The following RELN variants were observed in gnomAD, a reference collection of about 807,000 sequenced individuals.
The protein encoded by RELN is reelin.
Under a neutral mutation model 427.6 loss-of-function variants are expected in RELN, and 108 were observed. The observed-to-expected ratio is 0.25, with a 90% CI of 0.22 to 0.30. RELN has a LOEUF of 0.30. Among genes scored for constraint, RELN ranks in the 10% least tolerant of loss-of-function variants. The probability of loss-of-function intolerance (pLI) is 1.00; values close to 1 mark genes in which losing one functional copy is unlikely to be tolerated. For missense variants in RELN, 3,715 were observed against 4,302.8 expected, an observed-to-expected ratio of 0.86 and a Z score of 3.82; for synonymous variants, 1,524 against 1,513.4, an observed-to-expected ratio of 1.01 and a Z score of -0.16.
intron 3 of RELN, among the ~76,000 whole-genome samples, chr7:103,793,470 T>C (rs762609766): frequency 1.3e-5 from 2 of 152,214 alleles, no homozygotes; most frequent in Non-Finnish European, 2.9e-5. Flanking sequence ...TAAGTCTACA[T>C]AGAACCATAA....
intron 21 of RELN, among the ~76,000 whole-genome samples, 191 bp from the exon 22 acceptor site, chr7:103,610,998 T>C (rs890194643): frequency 3.9e-5 from 6 of 152,232 alleles, no homozygotes; most frequent in African/African-American, 1.4e-4. Context: ...CTTAAAATTA[T>C]GTAAGAAATA....
intron 2 of RELN, among the ~76,000 whole-genome samples, chr7:103,902,502 T>C (rs1795105654): frequency 1.3e-5 from 2 of 152,052 alleles, no homozygotes; most frequent in Non-Finnish European, 1.5e-5. Flanking sequence ...AACAACAACA[T>C]GGTTCTGATG....
chr7:103,746,114 A>G (rs1426073597), intron 6 of RELN, among the ~76,000 whole-genome samples: 4 of 152,140 alleles, frequency 2.6e-5, no homozygotes, highest in Non-Finnish European at 5.9e-5. Flanking sequence ...ATAATGCTGC[A>G]TATCTACAAC....
intron 17 of RELN, among the ~76,000 whole-genome samples, chr7:103,637,410 G>A (rs1449295335): frequency 6.6e-6 from 1 of 152,092 alleles, no homozygotes; most frequent in Non-Finnish European, 1.5e-5. Flanking sequence ...TGATACTATG[G>A]CATGACTCAG....
chr7:103,950,959 C>A (rs1193196671), intron 1 of RELN, among the ~76,000 whole-genome samples: 1 of 152,138 alleles, frequency 6.6e-6, no homozygotes, highest in African/African-American at 2.4e-5. Context: ...GACAGAGTCT[C>A]GCTCTGTCGC....
intron 42 of RELN, 65 bp from the exon 43 acceptor site, chr7:103,542,943 A>C: frequency 6.6e-7 from 1 of 1,511,198 alleles, no homozygotes; most frequent in South Asian, 1.1e-5. Flanking sequence ...TTATATTTTT[A>C]AAAGGAGTAT....
chr7:103,893,516 G>A (rs1794893567), intron 2 of RELN, among the ~76,000 whole-genome samples: 1 of 152,126 alleles, frequency 6.6e-6, no homozygotes, highest in Non-Finnish European at 1.5e-5. Flanking sequence ...GTTCTCTGAG[G>A]AGGCTTACTA....
intron 12 of RELN, among the ~76,000 whole-genome samples, chr7:103,660,526 T>C (rs1833117147): frequency 6.6e-6 from 1 of 152,220 alleles, no homozygotes; most frequent in Non-Finnish European, 1.5e-5. Context: ...TGTATGATTA[T>C]CAAAAAGGTG....
chr7:103,479,859 G>T (rs28446187), intron 63 of RELN, among the ~76,000 whole-genome samples: 1,648 of 152,206 alleles, frequency 0.011, 24 homozygotes, highest in African/African-American at 0.038. Flanking sequence ...AAGATACCAT[G>T]CATGACCATA....
chr7:103,749,761 G>A (rs546477256), intron 5 of RELN, among the ~76,000 whole-genome samples: 1 of 152,326 alleles, frequency 6.6e-6, no homozygotes, highest in East Asian at 1.9e-4. Flanking sequence ...AGGCAGGCAA[G>A]GCAGGAAGGC....
At chr7:103,643,824 C>T (rs1214474212) in intron 16 of RELN, among the ~76,000 whole-genome samples, 1 of 151,898 alleles carries the variant, frequency 6.6e-6, no homozygotes, top group Non-Finnish European at 1.5e-5. Context: ...ACACAGTAGC[C>T]ACAAACTCCT....
At chr7:103,975,515 G>GTATTTATTTATTTATT (rs1554451147) in intron 1 of RELN, among the ~76,000 whole-genome samples, 212 of 141,874 alleles carry the variant, frequency 1.5e-3, no homozygotes, top group East Asian at 7.9e-3. Context: ...GAATGGAGCA[G>GTATTTATTTATTTATT]TATTTATTTA....
At chr7:103,833,482 G>A (rs1793324283) in intron 3 of RELN, 55 bp downstream of exon 3, 2 of 1,459,090 alleles carry the variant, frequency 1.4e-6, no homozygotes, top group Non-Finnish European at 1.9e-6. Context: ...GTAATCCCAT[G>A]AGAAGTCCTA....
Position 103,496,812 on chromosome 7 carries a change from C to G in RELN, c.8951-44G>C, listed in dbSNP as rs80156500. On this transcript the variant is annotated intron_variant, in intron 55 of 64. Transcript: ENST00000428762. ...CAACATAGCAATATATCTAGAATCT[C>G]CTGCCTCCTCATAAACCACCAGTAT... is the stretch of plus-strand genomic sequence containing the variant. 4,458 of 1,606,374 alleles carry G rather than the reference C, an allele frequency of 2.8e-3. 113 individuals are homozygous for G. In the African/African-American group the frequency reaches 0.051, roughly 19 times the overall value.
chr7:103,811,765 C>T (rs1267359324), intron 3 of RELN, among the ~76,000 whole-genome samples: 1 of 152,166 alleles, frequency 6.6e-6, no homozygotes, highest in African/African-American at 2.4e-5. Context: ...AGAATTAATT[C>T]CTTATGGATT....
intron 16 of RELN, among the ~76,000 whole-genome samples, chr7:103,648,284 C>A (rs533320325): frequency 6.6e-6 from 1 of 151,982 alleles, no homozygotes. Context: ...ATAGCACCTC[C>A]CCCTTCACTC....
chr7:103,894,393 G>A (rs1449817859), intron 2 of RELN, among the ~76,000 whole-genome samples: 3 of 152,092 alleles, frequency 2.0e-5, no homozygotes, highest in Non-Finnish European at 4.4e-5. Flanking sequence ...CCAAACAAAT[G>A]CAATTTCAAA....
chr7:103,584,016 C>T (rs1279524877), intron 28 of RELN, among the ~76,000 whole-genome samples: 2 of 152,168 alleles, frequency 1.3e-5, no homozygotes, highest in Non-Finnish European at 2.9e-5. Flanking sequence ...CTGCATCTTG[C>T]CCTTGGTAAC....
chr7:103,823,521 A>G (rs896549000), intron 3 of RELN, among the ~76,000 whole-genome samples: 2 of 152,010 alleles, frequency 1.3e-5, no homozygotes, highest in Non-Finnish European at 2.9e-5. Context: ...TTAACAGTCA[A>G]CTGAGCCCAT....
Sources: allele counts gnomAD v4.1 joint callset (sites outside exome capture counted in the v4.1 genomes callset), GRCh38; gene constraint gnomAD v4.1.1; transcripts MANE v1.5; gene names NCBI Gene and HGNC (gene_info 2026-07-23, HGNC 2026-07-21).